The following KIFAP3 variants were observed in gnomAD, a reference collection of about 807,000 sequenced individuals.
KIFAP3 encodes kinesin-associated protein 3.
A neutral mutation model predicts 106.5 loss-of-function variants in KIFAP3; 68 were observed. The observed-to-expected ratio is 0.64, with a 90% CI of 0.53 to 0.78. The LOEUF is 0.78. KIFAP3 is among the 30% of genes least tolerant of loss of function. The pLI is 0.00. For missense variants in KIFAP3, 780 were observed against 941.8 expected, an observed-to-expected ratio of 0.83 and a Z score of 2.25; for synonymous variants, 320 against 311.5, an observed-to-expected ratio of 1.03 and a Z score of -0.29.
chr1:169,965,566 C>T (rs1241113461), intron 17 of KIFAP3, among the ~76,000 whole-genome samples: 2 of 151,884 alleles, frequency 1.3e-5, no homozygotes, highest in African/African-American at 4.8e-5. Context: ...GGAAGTAATG[C>T]TTTGCAAAAA....
intron 10 of KIFAP3, among the ~76,000 whole-genome samples, chr1:170,004,071 CAGAG>C (rs1667810299): frequency 6.6e-6 from 1 of 152,156 alleles, no homozygotes; most frequent in South Asian, 2.1e-4. Flanking sequence ...CAATAACAGA[CAGAG>C]AGCCAAATCA....
intron 12 of KIFAP3, among the ~76,000 whole-genome samples, chr1:169,984,291 A>G (rs2273458): frequency 0.26 from 39,107 of 151,582 alleles, 6,026 homozygotes; most frequent in East Asian, 0.5. Context: ...TTATATTGTA[A>G]TAGACTGCTT....
intron 17 of KIFAP3, among the ~76,000 whole-genome samples, chr1:169,963,959 A>G (rs1239036905): frequency 6.6e-6 from 1 of 152,202 alleles, no homozygotes; most frequent in Non-Finnish European, 1.5e-5. Flanking sequence ...AATTGAAGAT[A>G]TTAAATTATT....
upstream of KIFAP3, among the ~76,000 whole-genome samples, chr1:170,076,502 TA>T (rs535274845): frequency 8.9e-4 from 134 of 151,094 alleles, no homozygotes; most frequent in African/African-American, 3.2e-3. Flanking sequence ...ATTAAATAAA[TA>T]AAAAAAAGAA....
chr1:170,033,433 T>C (rs1314739886), intron 7 of KIFAP3, among the ~76,000 whole-genome samples: 2 of 151,738 alleles, frequency 1.3e-5, no homozygotes, highest in African/African-American at 2.4e-5. Flanking sequence ...GAATAAAGTT[T>C]TCACTTTTTA....
intron 19 of KIFAP3, among the ~76,000 whole-genome samples, chr1:169,936,359 A>C (rs573541882): frequency 1.3e-5 from 2 of 151,932 alleles, no homozygotes; most frequent in East Asian, 1.9e-4. Flanking sequence ...TTCAAATTAC[A>C]TTTTTTAGGA....
rs1665309778 is a variant in KIFAP3 at position 169,961,167 on chromosome 1, C to T, written c.2052G>A (p.Leu684=). 1 of 1,613,598 alleles carries T rather than the reference C, an allele frequency of 6.2e-7. No homozygotes were observed. Among genetic ancestry groups the T allele is most frequent in the Middle Eastern group, 1.7e-4 (1 of 6,056 alleles). ...CCATCTGACGACTCTCTACCATCTC[C>T]AGCCACTGAGAGTTATGCCAGCGAA... is the stretch of plus-strand genomic sequence containing the variant. ...EKFRWHNSQW[L]EMVESRQMDE... is the part of the protein sequence containing the mutation. The change falls in exon 18 of 20, where the codon CTG becomes CTA. Residue 684 remains leucine, a synonymous_variant. Transcript: ENST00000361580.
intron 19 of KIFAP3, among the ~76,000 whole-genome samples, chr1:169,940,387 T>G (rs1461101128): frequency 2.0e-5 from 3 of 152,224 alleles, no homozygotes; most frequent in African/African-American, 7.2e-5. Flanking sequence ...TATCTCATAT[T>G]GTACATAGAT....
At chr1:169,944,818 G>T (rs1664342654) in intron 19 of KIFAP3, among the ~76,000 whole-genome samples, 1 of 152,126 alleles carries the variant, frequency 6.6e-6, no homozygotes, top group South Asian at 2.1e-4. Flanking sequence ...TGAGCCTGGG[G>T]TTTTTCTAGG....
chr1:170,052,467 A>G (rs569996973), intron 2 of KIFAP3, among the ~76,000 whole-genome samples: 2 of 152,184 alleles, frequency 1.3e-5, no homozygotes, highest in East Asian at 3.8e-4. Flanking sequence ...AGAGAAAAAG[A>G]GGGACTCCTT....
intron 1 of KIFAP3, among the ~76,000 whole-genome samples, chr1:170,058,443 C>G (rs574835792): frequency 6.6e-6 from 1 of 152,198 alleles, no homozygotes; most frequent in Admixed American, 6.5e-5. Flanking sequence ...GAAAAATACC[C>G]AATATATCAG....
chr1:169,967,207 G>A (rs1665674492), intron 17 of KIFAP3, among the ~76,000 whole-genome samples: 2 of 151,948 alleles, frequency 1.3e-5, no homozygotes, highest in South Asian at 4.1e-4. Flanking sequence ...GTCATTTGCA[G>A]ACTAAAAAAT....
chr1:170,037,529 A>G (rs1669749791), intron 5 of KIFAP3, among the ~76,000 whole-genome samples: 1 of 151,956 alleles, frequency 6.6e-6, no homozygotes, highest in African/African-American at 2.4e-5. Context: ...CAGGAGTTTC[A>G]GATCAGCCTG....
rs769958770 is a variant in KIFAP3, at chr1:170,038,266, T to C, written c.517+24A>G. On this transcript the variant is annotated intron_variant, in intron 5 of 19. Transcript: ENST00000361580. ...ACTGTAACTTATTCCTCTATTATAA[T>C]TAAACATGTTTTATAGTAATCACCA... 6.5e-6 allele frequency: 10 copies of C among 1,530,114 alleles called. No homozygotes were observed. In the South Asian group the frequency reaches 1.1e-4, roughly 17 times the overall value. The allele number at this position is 1,530,114 out of a possible 1,614,324, so 94.8% of individuals were successfully genotyped here.
chr1:170,065,401 C>T (rs1458530941), intron 1 of KIFAP3, among the ~76,000 whole-genome samples: 1 of 151,880 alleles, frequency 6.6e-6, no homozygotes, highest in African/African-American at 2.4e-5. Flanking sequence ...ATCATGAGGT[C>T]AGGAGATCGA....
At chr1:170,069,510 C>T (rs1671598902) in intron 1 of KIFAP3, among the ~76,000 whole-genome samples, 1 of 151,822 alleles carries the variant, frequency 6.6e-6, no homozygotes, top group South Asian at 2.1e-4. Flanking sequence ...CGCAACATGG[C>T]CACATGGGCA....
chr1:169,975,824 G>A (rs1005274519), intron 16 of KIFAP3, among the ~76,000 whole-genome samples: 1 of 152,054 alleles, frequency 6.6e-6, no homozygotes, highest in Non-Finnish European at 1.5e-5. Flanking sequence ...GCACTTCAGT[G>A]ATCTTTATCC....
At position 169,961,325 on chromosome 1, in the gene KIFAP3, G is replaced by T. The variant is rs2101863887; in HGVS notation, c.1984-90C>A. 7 of 954,444 alleles carry T rather than the reference G, an allele frequency of 7.3e-6. No individual in the cohort carries two copies. In the Middle Eastern group the frequency reaches 6.8e-4, roughly 92 times the overall value. 59.1% of individuals were successfully genotyped at this position (954,444 alleles called of 1,614,324 possible). A position where few individuals can be genotyped will look rare whatever the true frequency, so the allele number is the denominator to read the frequency against. ...ATTTTTATCTCTTGAGAATTTTGGG[G>T]GCCCTTCACTGGGTCAGAGGAAGCA... On this transcript the variant is annotated intron_variant, in intron 17 of 19. Coordinates refer to ENST00000361580, the MANE Select transcript of KIFAP3 (RefSeq NM_014970.4).
intron 9 of KIFAP3, 26 bp downstream of exon 9, chr1:170,024,392 T>C (rs777058293): frequency 4.8e-6 from 7 of 1,455,266 alleles, no homozygotes; most frequent in Admixed American, 2.2e-5. Flanking sequence ...AAATGAACTA[T>C]TTCAAGAAAA....
Sources: allele counts gnomAD v4.1 joint callset (sites outside exome capture counted in the v4.1 genomes callset), GRCh38; gene constraint gnomAD v4.1.1; transcripts MANE v1.5; gene names NCBI Gene and HGNC (gene_info 2026-07-23, HGNC 2026-07-21).